PTPRS: variants seen among roughly 807,000 people sequenced by gnomAD.
The protein encoded by PTPRS is protein tyrosine phosphatase receptor type S, also known as receptor-type tyrosine-protein phosphatase S.
A neutral mutation model predicts 215.3 loss-of-function variants in PTPRS; 63 were observed. The ratio of observed to expected loss-of-function variants is 0.29; its 90% CI spans 0.24 to 0.36. PTPRS has a LOEUF of 0.36. Among genes scored for constraint, PTPRS ranks in the 10% least tolerant of loss-of-function variants. The probability of loss-of-function intolerance (pLI) is 1.00; values close to 1 mark genes in which losing one functional copy is unlikely to be tolerated. For synonymous variants in PTPRS, 1,404 were observed against 1,191.4 expected, an observed-to-expected ratio of 1.18 and a Z score of -3.68; for missense variants, 2,258 against 2,825.8, an observed-to-expected ratio of 0.80 and a Z score of 4.56.
At chr19:5,325,232 A>G (rs1189772951) in intron 1 of PTPRS, among the ~76,000 whole-genome samples, 3 of 152,220 alleles carry the variant, frequency 2.0e-5, no homozygotes, top group Non-Finnish European at 2.9e-5. Context: ...CTTCTCTTGA[A>G]AGGCATTTCC....
intron 30 of PTPRS, 58 bp from the exon 31 acceptor site, chr19:5,212,549 A>AAG: frequency 6.5e-7 from 1 of 1,527,816 alleles, no homozygotes; most frequent in Non-Finnish European, 8.9e-7. Flanking sequence ...CCATGTGCTG[A>AAG]AGATGCCCAA....
intron 1 of PTPRS, among the ~76,000 whole-genome samples, chr19:5,302,938 C>T (rs919073502): frequency 6.7e-6 from 1 of 149,438 alleles, no homozygotes. Context: ...GGTGTGGTGG[C>T]GGGCGCCTGT....
intron 9 of PTPRS, among the ~76,000 whole-genome samples, chr19:5,246,844 T>C (rs2044531348): frequency 6.6e-6 from 1 of 151,894 alleles, no homozygotes. Flanking sequence ...TTTCCATCAA[T>C]AGATGCAGCT....
chr19:5,255,598 A>AG (rs1338435275), intron 9 of PTPRS, among the ~76,000 whole-genome samples: 2 of 152,132 alleles, frequency 1.3e-5, no homozygotes, highest in African/African-American at 4.8e-5. Context: ...AAAAAGAAAA[A>AG]AAAAAGAAAA....
chr19:5,277,740 G>A (rs1037908027), intron 2 of PTPRS: 46 of 672,126 alleles, frequency 6.8e-5, no homozygotes, highest in Middle Eastern at 2.7e-4. Context: ...CATCATGGCC[G>A]CCCTCAGACT....
intron 1 of PTPRS, among the ~76,000 whole-genome samples, chr19:5,321,418 AG>A (rs2050021494): frequency 6.6e-6 from 1 of 152,362 alleles, no homozygotes; most frequent in African/African-American, 2.4e-5. Flanking sequence ...TTTAGGGATG[AG>A]GAAAACTGAG....
rs752040801 is a variant in PTPRS, at chr19:5,212,332, C to T, written c.4769+5G>A. 1.9e-5 allele frequency: 31 copies of T among 1,613,302 alleles called. No homozygotes were observed. The highest frequency in any genetic ancestry group is 4.5e-5 in the East Asian group (2 of 44,870). ...AGCGGATGGGGCAGAGTGGGGTGGA[C>T]GTACCTGCAGTGAACCACGATGGGG... On this transcript the variant is annotated splice_donor_5th_base_variant and intron_variant, in intron 31 of 37. Coordinates refer to ENST00000262963, the MANE Select transcript of PTPRS (RefSeq NM_002850.4).
intron 11 of PTPRS, among the ~76,000 whole-genome samples, chr19:5,240,711 C>T (rs1188546049): frequency 6.6e-6 from 1 of 150,708 alleles, no homozygotes; most frequent in Non-Finnish European, 1.5e-5. Flanking sequence ...CGGTGGCGGG[C>T]ACCTGTAGTC....
intron 2 of PTPRS, among the ~76,000 whole-genome samples, chr19:5,285,549 C>G (rs1167154363): frequency 6.6e-6 from 1 of 152,218 alleles, no homozygotes; most frequent in Non-Finnish European, 1.5e-5. Flanking sequence ...AAGAAGCCTC[C>G]CCTGGCTCCA....
chr19:5,211,085 C>T (rs1489083086), intron 33 of PTPRS, among the ~76,000 whole-genome samples: 1 of 152,260 alleles, frequency 6.6e-6, no homozygotes, highest in Non-Finnish European at 1.5e-5. Flanking sequence ...CTTCAAGGGC[C>T]ACTGCCCTAC....
intron 26 of PTPRS, among the ~76,000 whole-genome samples, chr19:5,216,394 A>G (rs978729679): frequency 1.3e-5 from 2 of 152,042 alleles, no homozygotes; most frequent in African/African-American, 4.8e-5. Flanking sequence ...TGAGACTTCC[A>G]TGTGTCCCTA....
At chr19:5,259,179 T>G (rs567797441) in intron 7 of PTPRS, among the ~76,000 whole-genome samples, 1 of 152,168 alleles carries the variant, frequency 6.6e-6, no homozygotes, top group Non-Finnish European at 1.5e-5. Context: ...GAGGGCAATT[T>G]TTCAAGCATA....
chr19:5,214,323 C>A (rs1568374952), intron 30 of PTPRS, 38 bp downstream of exon 30: 1 of 1,613,584 alleles, frequency 6.2e-7, no homozygotes, highest in African/African-American at 1.3e-5. Flanking sequence ...CCAACACATT[C>A]CTCCACCCTC....
chr19:5,219,152 T>C, intron 23 of PTPRS, 158 bp downstream of exon 23: 1 of 977,976 alleles, frequency 1.0e-6, no homozygotes, highest in Non-Finnish European at 1.5e-6. Flanking sequence ...ATTCCCATGC[T>C]GTGTGACCTT....
At position 5,338,025 on chromosome 19, in the gene PTPRS, C is replaced by T. The variant is rs767390845; in HGVS notation, c.-95+2639G>A. 6.6e-6 allele frequency among the ~76,000 whole-genome samples: 1 copy of T among 152,074 alleles called. No homozygotes were observed. Among genetic ancestry groups the T allele is most frequent in the African/African-American group, 2.4e-5 (1 of 41,404 alleles). On this transcript the variant is annotated intron_variant, in intron 1 of 37. Transcript: ENST00000262963. This position sits in a 1 kb window ranked among gnomAD's most constrained non-coding sequence, Gnocchi z 4.2. ...TTTCCTGGAGAGGGGGAAATCGTCCCCGGAGCTGACCTGCCAACCAGTAGC... is the reference window on the plus strand; with the variant it reads ...TTTCCTGGAGAGGGGGAAATCGTCCTCGGAGCTGACCTGCCAACCAGTAGC...
In PTPRS at chr19:5,220,315, C is replaced by T. The variant is rs1034131598; in HGVS notation, c.3494G>A (p.Arg1165His). 15 of 1,613,894 alleles carry T rather than the reference C, an allele frequency of 9.3e-6. No individual in the cohort carries two copies. The South Asian group carries it at 9.9e-5, about 11-fold the overall frequency. The part of the protein sequence containing the change: ...FIVMVPLRKS[R>H]GGQFLTPLGS... The stretch of plus-strand genomic sequence containing the variant: ...CAGCGGGGTCAGGAATTGGCCTCCA[C>T]GAGACTTGCGCAGTGGCACCATCAC... Residue 1165 changes from arginine (R) to histidine (H), a missense_variant, in exon 21 of 38, where the codon CGT becomes CAT. Arg to His is a conservative substitution (Grantham distance 29). This residue lies in a region of PTPRS where 927 missense variants were observed against 1,125.9 expected (regional missense o/e 0.82). Coordinates refer to ENST00000262963, the MANE Select transcript of PTPRS (RefSeq NM_002850.4).
At chr19:5,332,165 C>T (rs1333251556) in intron 1 of PTPRS, among the ~76,000 whole-genome samples, 5 of 151,448 alleles carry the variant, frequency 3.3e-5, no homozygotes, top group South Asian at 2.1e-4. Flanking sequence ...CTCACTCTAT[C>T]GCCCAGGCTG....
At position 5,231,486 on chromosome 19, in the gene PTPRS, G is replaced by T. The variant is rs200771602; in HGVS notation, c.1979C>A (p.Pro660Gln). 14 of 1,612,796 alleles carry T rather than the reference G, an allele frequency of 8.7e-6. No individual in the cohort carries two copies. Among genetic ancestry groups the T allele is most frequent in the Non-Finnish European group, 1.1e-5 (13 of 1,179,894 alleles). ...ALVGYSVRYR[P>Q]LGSEDPEPKE... ...GGGTTCCGGGTCCTCTGAGCCCAGC[G>T]GTCGGTAGCGGACGCTGTAGCCCAC... The change falls in exon 14 of 38, where the codon CCG (proline) becomes CAG (glutamine). Residue 660 changes from proline (P) to glutamine (Q), a missense_variant. Coordinates refer to ENST00000262963, the MANE Select transcript of PTPRS (RefSeq NM_002850.4).
At position 5,256,029 on chromosome 19, in the gene PTPRS, G is replaced by T. The variant is rs560312214; in HGVS notation, c.718+79C>A. ...GCGTGTGTCCGTGTGGTGTCTACAT[G>T]TGTTTTGTGTGTGTGCGTGTCATTT... On this transcript the variant is annotated intron_variant, in intron 9 of 37. Coordinates refer to ENST00000262963, the MANE Select transcript of PTPRS (RefSeq NM_002850.4). 30 of 1,290,666 alleles carry T rather than the reference G, an allele frequency of 2.3e-5. No homozygotes were observed. The African/African-American group carries it at 4.3e-4, about 19-fold the overall frequency. 80.0% of individuals were successfully genotyped at this position (1,290,666 alleles called of 1,614,324 possible).
Sources: gnomAD v4.1 joint callset for allele counts (sites outside exome capture counted in the v4.1 genomes callset) on GRCh38, gnomAD v4.1.1 for gene constraint, gnomAD v4.1.1 regional missense constraint, Gnocchi (gnomAD v3.1) non-coding constraint, MANE v1.5 for transcripts, NCBI Gene and HGNC (gene_info 2026-07-23, HGNC 2026-07-21) for gene names.